The following RBFOX1 variants were observed in gnomAD, a reference collection of about 807,000 sequenced individuals.
The protein encoded by RBFOX1 is RNA binding protein fox-1 homolog 1.
RBFOX1 carries 8 observed loss-of-function variants against 57.7 expected under a neutral mutation model. That is an observed-to-expected ratio of 0.14 (90% CI 0.08 to 0.25). RBFOX1 has a LOEUF of 0.25. Ranked by LOEUF, RBFOX1 falls within the 10% of genes least tolerant of loss-of-function variation. RBFOX1 has a pLI of 1.00. For missense variants in RBFOX1, 611 were observed against 548.5 expected, an observed-to-expected ratio of 1.11 and a Z score of -1.14; for synonymous variants, 326 against 222.4, an observed-to-expected ratio of 1.47 and a Z score of -4.15.
At chr16:6,956,604 G>C (rs936170005) in intron 3 of RBFOX1, among the ~76,000 whole-genome samples, 2 of 152,168 alleles carry the variant, frequency 1.3e-5, no homozygotes, top group Non-Finnish European at 2.9e-5. Context: ...AGGAGTGAGT[G>C]GTTCAAATCC....
At chr16:5,444,508 C>T (rs995539282) in intron 1 of RBFOX1, among the ~76,000 whole-genome samples, 1 of 152,192 alleles carries the variant, frequency 6.6e-6, no homozygotes, top group African/African-American at 2.4e-5. Flanking sequence ...GACGTCAGCT[C>T]TGCGGAACTG....
intron 1 of RBFOX1, among the ~76,000 whole-genome samples, chr16:5,389,391 A>G (rs959772167): frequency 2.6e-5 from 4 of 152,076 alleles, no homozygotes; most frequent in Non-Finnish European, 5.9e-5. Context: ...CTTGTGCCTC[A>G]TACGATGTTG....
In RBFOX1 at chr16:5,790,096, C is replaced by A. The variant is rs368046761; in HGVS notation, c.319-77207C>A. Reference sequence around the variant, plus strand: ...CTCCAGGCTGCTACCACTCAGCAGGCCTTCCTCCATCTTCAGCATTTGACC... The same window carrying A: ...CTCCAGGCTGCTACCACTCAGCAGGACTTCCTCCATCTTCAGCATTTGACC... On this transcript the variant is annotated intron_variant, in intron 3 of 19. Coordinates refer to the RBFOX1 transcript ENST00000641259. Among the ~76,000 whole-genome samples the A allele has an allele frequency of 2.0e-5, 3 of 152,358 alleles. No homozygotes were observed. The East Asian group carries it at 5.8e-4, about 29-fold the overall frequency.
chr16:6,524,145 C>G (rs2096546680), intron 2 of RBFOX1, among the ~76,000 whole-genome samples: 1 of 152,194 alleles, frequency 6.6e-6, no homozygotes, highest in South Asian at 2.1e-4. Context: ...TCCCCCGACA[C>G]TACCTTTCCC....
At chr16:5,731,166 A>G (rs2052358265) in intron 3 of RBFOX1, among the ~76,000 whole-genome samples, 1 of 152,152 alleles carries the variant, frequency 6.6e-6, no homozygotes, top group African/African-American at 2.4e-5. Flanking sequence ...CATCATCTTC[A>G]TCATCACCAC....
At chr16:5,862,528 T>C (rs1567640729) in intron 3 of RBFOX1, among the ~76,000 whole-genome samples, 1 of 152,148 alleles carries the variant, frequency 6.6e-6, no homozygotes, top group Non-Finnish European at 1.5e-5. Flanking sequence ...AACCAGGGAA[T>C]AGCAGACAGT....
chr16:6,601,347 T>C (rs531228306), intron 2 of RBFOX1, among the ~76,000 whole-genome samples: 1 of 152,316 alleles, frequency 6.6e-6, no homozygotes, highest in South Asian at 2.1e-4. Context: ...GAGTTTCTTG[T>C]CTACTTGGTT....
chr16:6,944,753 T>A (rs1276349235), intron 3 of RBFOX1, among the ~76,000 whole-genome samples: 1 of 152,178 alleles, frequency 6.6e-6, no homozygotes, highest in African/African-American at 2.4e-5. Flanking sequence ...AAAGTCCTGT[T>A]GCCATAGTAC....
chr16:5,242,995 A>G (rs1247118178), intron 1 of RBFOX1, among the ~76,000 whole-genome samples: 2 of 24,592 alleles, frequency 8.1e-5, no homozygotes, highest in South Asian at 1.3e-3. Flanking sequence ...TGGGGGGTGG[A>G]GGGTGGAGGG....
intron 3 of RBFOX1, among the ~76,000 whole-genome samples, chr16:6,985,852 A>AAAAAAAAAATT: frequency 7.4e-6 from 1 of 135,722 alleles, no homozygotes; most frequent in African/African-American, 2.6e-5. Context: ...AAAAAACAGA[A>AAAAAAAAAATT]TTTTTTTTTC....
intron 11 of RBFOX1, among the ~76,000 whole-genome samples, chr16:7,644,626 A>G (rs2063410508): frequency 6.6e-6 from 1 of 152,222 alleles, no homozygotes; most frequent in Non-Finnish European, 1.5e-5. Context: ...CACCGTAGTC[A>G]ATACACATAT....
At position 6,594,761 on chromosome 16, in the gene RBFOX1, A is replaced by G. The variant is rs189459287; in HGVS notation, c.-63-59842A>G. On this transcript the variant is annotated intron_variant, in intron 2 of 15. Transcript: ENST00000550418. ...ATGGTATGCGTATGCCACAAAATTC[A>G]CCTATTTAAAGTGTACACTTCAGTG... Among the ~76,000 whole-genome samples, 181 of 151,858 alleles carry G rather than the reference A, an allele frequency of 1.2e-3. 1 individual carries two copies. Among genetic ancestry groups the G allele is most frequent in the Admixed American group, 0.01 (157 of 15,242 alleles).
At chr16:7,115,789 G>A (rs373813788) in intron 4 of RBFOX1, among the ~76,000 whole-genome samples, 3 of 151,980 alleles carry the variant, frequency 2.0e-5, no homozygotes, top group Admixed American at 6.6e-5. Context: ...AGCCTGCCCC[G>A]AAGGGGAGGG....
intron 4 of RBFOX1, among the ~76,000 whole-genome samples, chr16:5,957,361 T>A (rs1054572272): frequency 5.9e-5 from 9 of 152,238 alleles, no homozygotes; most frequent in Admixed American, 6.5e-5. Context: ...ATTATAGGCA[T>A]GTGCCACCAT....
intron 4 of RBFOX1, among the ~76,000 whole-genome samples, chr16:7,174,506 C>T (rs554914455): frequency 9.9e-5 from 15 of 152,230 alleles, no homozygotes; most frequent in African/African-American, 1.9e-4. Context: ...ACTGGCTGGG[C>T]GCAGTGGCTC....
At chr16:6,877,973 C>T (rs192294470) in intron 3 of RBFOX1, among the ~76,000 whole-genome samples, 77 of 152,156 alleles carry the variant, frequency 5.1e-4, no homozygotes, top group African/African-American at 1.6e-3. Flanking sequence ...ATAAGGGTTT[C>T]AGAGAGCCGA....
At chr16:6,483,883 A>G in intron 2 of RBFOX1, 1 of 1,166,892 alleles carries the variant, frequency 8.6e-7, no homozygotes. Flanking sequence ...TGGAAGGATG[A>G]GGCTGCGTTT....
At chr16:7,537,431 T>C (rs968553307) in intron 5 of RBFOX1, among the ~76,000 whole-genome samples, 1 of 152,188 alleles carries the variant, frequency 6.6e-6, no homozygotes, top group African/African-American at 2.4e-5. Flanking sequence ...GCGTGGTCAG[T>C]TGATGTGACT....
At chr16:7,392,884 T>C (rs1396315951) in intron 4 of RBFOX1, among the ~76,000 whole-genome samples, 3 of 151,276 alleles carry the variant, frequency 2.0e-5, no homozygotes, top group Non-Finnish European at 4.4e-5. Flanking sequence ...TGTTTGTTTG[T>C]TTGTTTTGAG....
Sources: allele counts gnomAD v4.1 joint callset (sites outside exome capture counted in the v4.1 genomes callset), GRCh38; gene constraint gnomAD v4.1.1; transcripts MANE v1.5; gene names NCBI Gene and HGNC (gene_info 2026-07-23, HGNC 2026-07-21).